C1QTNF3: variants seen among roughly 807,000 people sequenced by gnomAD.
C1QTNF3 encodes C1q and TNF related 3, also known as complement C1q tumor necrosis factor-related protein 3.
Under a neutral mutation model 32.6 loss-of-function variants are expected in C1QTNF3, and 26 were observed. The ratio of observed to expected loss-of-function variants is 0.80; its 90% CI spans 0.58 to 1.11. C1QTNF3 has a LOEUF of 1.11. Among genes scored for constraint, C1QTNF3 ranks in the 50% least tolerant of loss-of-function variants. C1QTNF3 has a pLI of 0.00. For synonymous variants in C1QTNF3, 155 were observed against 146.0 expected (o/e 1.06, Z -0.44); for missense variants, 362 against 398.2 (o/e 0.91, Z 0.77).
At chr5:34,024,058 G>T in intron 4 of C1QTNF3, 50 bp from the exon 5 acceptor site, 1 of 1,425,068 alleles carries the variant, frequency 7.0e-7, no homozygotes, top group Non-Finnish European at 9.9e-7. Flanking sequence ...GTTATACATT[G>T]AGGACCTGGA....
chr5:34,131,509 G>A, the C1QTNF3 span, among the ~76,000 whole-genome samples: 18 of 151,938 alleles, frequency 1.2e-4, no homozygotes, highest in South Asian at 4.1e-4. Context: ...ATTATGTTAC[G>A]TAAAATAAGC....
intron 5 of C1QTNF3, among the ~76,000 whole-genome samples, chr5:34,022,835 G>T (rs867781771): frequency 5.3e-5 from 8 of 151,940 alleles, no homozygotes; most frequent in Admixed American, 2.0e-4. Flanking sequence ...CAGTTTTTTT[G>T]TTTGTTTGTT....
chr5:34,079,857 A>G, the C1QTNF3 span, among the ~76,000 whole-genome samples: 1 of 151,806 alleles, frequency 6.6e-6, no homozygotes, highest in Non-Finnish European at 1.5e-5. Context: ...ACTGTTTAGC[A>G]TATTGCTTGT....
chr5:34,038,857 C>T (rs1437608545), intron 1 of C1QTNF3, among the ~76,000 whole-genome samples: 1 of 152,116 alleles, frequency 6.6e-6, no homozygotes, highest in Admixed American at 6.5e-5. Context: ...AGGGCTCCAC[C>T]TGACCGGGAA....
At chr5:34,050,849 T>C in the C1QTNF3 span, among the ~76,000 whole-genome samples, 1 of 152,204 alleles carries the variant, frequency 6.6e-6, no homozygotes, top group Non-Finnish European at 1.5e-5. Flanking sequence ...CTTCCACCTC[T>C]CAGCTTCCTT....
At chr5:34,051,082 T>C in the C1QTNF3 span, among the ~76,000 whole-genome samples, 1 of 152,216 alleles carries the variant, frequency 6.6e-6, no homozygotes, top group Non-Finnish European at 1.5e-5. Context: ...TCCTTACTCC[T>C]GAAAAGGGAC....
the C1QTNF3 span, among the ~76,000 whole-genome samples, chr5:34,172,926 T>C: frequency 4.6e-5 from 7 of 152,230 alleles, no homozygotes; most frequent in African/African-American, 1.7e-4. Context: ...CATTCTTGTA[T>C]ATCGAGGATC....
At chr5:34,068,316 C>G in the C1QTNF3 span, among the ~76,000 whole-genome samples, 1 of 151,990 alleles carries the variant, frequency 6.6e-6, no homozygotes, top group East Asian at 1.9e-4. Flanking sequence ...TAATATCTTG[C>G]CTTTTTAGGT....
chr5:34,027,735 CAAAA>C (rs34375086), intron 4 of C1QTNF3, among the ~76,000 whole-genome samples: 3 of 81,058 alleles, frequency 3.7e-5, no homozygotes, highest in African/African-American at 5.1e-5. Context: ...CCACCACCAC[CAAAA>C]AAAAAAAAAA....
the C1QTNF3 span, among the ~76,000 whole-genome samples, chr5:34,077,806 A>G: frequency 6.6e-6 from 1 of 151,502 alleles, no homozygotes; most frequent in Non-Finnish European, 1.5e-5. Flanking sequence ...GGAGCTGATA[A>G]TAGCTAAGCA....
the C1QTNF3 span, among the ~76,000 whole-genome samples, chr5:34,128,125 G>T: frequency 6.6e-6 from 1 of 152,328 alleles, no homozygotes; most frequent in East Asian, 1.9e-4. Flanking sequence ...TGTCCCAGCA[G>T]CTCCAGCTCC....
chr5:34,023,869 G>A (rs1325953742), intron 5 of C1QTNF3, 40 bp downstream of exon 5: 2 of 1,509,712 alleles, frequency 1.3e-6, no homozygotes. Context: ...AACAAACAAT[G>A]GCAGCATGGA....
At chr5:34,080,778 A>T in the C1QTNF3 span, among the ~76,000 whole-genome samples, 2 of 151,798 alleles carry the variant, frequency 1.3e-5, no homozygotes, top group African/African-American at 4.9e-5. Flanking sequence ...AGGAAGAGAC[A>T]GAATGTGCTG....
chr5:34,064,946 T>A, the C1QTNF3 span, among the ~76,000 whole-genome samples: 1 of 152,196 alleles, frequency 6.6e-6, no homozygotes, highest in African/African-American at 2.4e-5. Context: ...CTCCAAATTG[T>A]GAAAAACTTA....
chr5:34,177,229 C>A, the C1QTNF3 span, among the ~76,000 whole-genome samples: 1 of 152,114 alleles, frequency 6.6e-6, no homozygotes, highest in African/African-American at 2.4e-5. Flanking sequence ...ATTCAGTTAA[C>A]CTAGTCATAT....
the C1QTNF3 span, among the ~76,000 whole-genome samples, chr5:34,173,138 T>A: frequency 6.6e-6 from 1 of 152,148 alleles, no homozygotes; most frequent in African/African-American, 2.4e-5. Flanking sequence ...TCCAGGTTCA[T>A]TGAAATTCCC....
At chr5:34,121,693 A>G in the C1QTNF3 span, among the ~76,000 whole-genome samples, 1 of 152,182 alleles carries the variant, frequency 6.6e-6, no homozygotes, top group Non-Finnish European at 1.5e-5. Flanking sequence ...GGAGAATTAG[A>G]AAAATGATAT....
chr5:34,168,736 T>C, the C1QTNF3 span: 2 of 152,270 alleles, frequency 1.3e-5, no homozygotes, highest in Admixed American at 6.5e-5. Context: ...CTAGGGGAGA[T>C]ATACATGAAG....
chr5:34,204,347 T>A, the C1QTNF3 span, among the ~76,000 whole-genome samples: 2 of 152,168 alleles, frequency 1.3e-5, no homozygotes. Context: ...AATAGCAATG[T>A]GTCCCTCAGT....
Sources: gnomAD v4.1 joint callset for allele counts (sites outside exome capture counted in the v4.1 genomes callset) on GRCh38, gnomAD v4.1.1 for gene constraint, MANE v1.5 for transcripts, NCBI Gene and HGNC (gene_info 2026-07-23, HGNC 2026-07-21) for gene names.